Variants in MPHOSPH8 observed in about 807,000 individuals in gnomAD.
MPHOSPH8 encodes M-phase phosphoprotein, mpp.
MPHOSPH8 carries 45 observed loss-of-function variants against 87.3 expected under a neutral mutation model. That is an observed-to-expected ratio of 0.52 (90% CI 0.41 to 0.66). MPHOSPH8 has a LOEUF of 0.66. Ranked by LOEUF, MPHOSPH8 falls within the 30% of genes least tolerant of loss-of-function variation. MPHOSPH8 has a pLI of 0.00. For missense variants in MPHOSPH8, 883 were observed against 1,020.2 expected (o/e 0.87, Z 1.83); for synonymous variants, 366 against 376.9 (o/e 0.97, Z 0.33).
chr13:19,668,498 T>G lies in MPHOSPH8; in HGVS notation c.2296T>G (p.Phe766Val). Residue 766 changes from phenylalanine (F) to valine (V), a missense_variant, in exon 11 of 14, where the codon TTC (phenylalanine) becomes GTC (valine). Coordinates refer to ENST00000361479, the MANE Select transcript of MPHOSPH8 (RefSeq NM_017520.4). ...TGAGGGTCCAGATTTTTCAACAGAT[T>G]TCAATTACAAACCCCCACAGAACAT... Reference protein sequence around the residue: ...LCEGPDFSTDFNYKPPQNIPE... With the variant: ...LCEGPDFSTDVNYKPPQNIPE... 1 of 1,614,148 alleles carries G rather than the reference T, an allele frequency of 6.2e-7. No homozygotes were observed. The highest frequency in any genetic ancestry group is 2.2e-5 in the East Asian group (1 of 44,884).
At chr13:19,668,799 A>T (rs1593492873) in intron 11 of MPHOSPH8, among the ~76,000 whole-genome samples, 1 of 121,868 alleles carries the variant, frequency 8.2e-6, no homozygotes. Context: ...TTCAGCGTCA[A>T]GATTCTAAGC....
At chr13:19,634,127 A>G (rs192088923) in intron 1 of MPHOSPH8, among the ~76,000 whole-genome samples, 166 bp downstream of exon 1, 1 of 152,228 alleles carries the variant, frequency 6.6e-6, no homozygotes, top group Non-Finnish European at 1.5e-5. Flanking sequence ...GACATTTCCA[A>G]CTGCACTCTT....
chr13:19,635,290 G>A (rs1056369060), intron 1 of MPHOSPH8, among the ~76,000 whole-genome samples: 2 of 152,192 alleles, frequency 1.3e-5, no homozygotes, highest in Admixed American at 1.3e-4. Context: ...GGAGGCCAAG[G>A]CGGACGGATC....
intron 1 of MPHOSPH8, among the ~76,000 whole-genome samples, chr13:19,636,939 G>C (rs1024473628): frequency 6.6e-6 from 1 of 152,052 alleles, no homozygotes; most frequent in Non-Finnish European, 1.5e-5. Flanking sequence ...ATAAATCCTA[G>C]GGCTATCATG....
chr13:19,659,685 A>G (rs758646841), intron 7 of MPHOSPH8: 1 of 429,806 alleles, frequency 2.3e-6, no homozygotes, highest in South Asian at 1.7e-5. Flanking sequence ...AAAATAATGC[A>G]CGTTCACTTT....
At chr13:19,657,850 T>TG (rs1405646876) in intron 5 of MPHOSPH8, among the ~76,000 whole-genome samples, 1 of 152,114 alleles carries the variant, frequency 6.6e-6, no homozygotes, top group Admixed American at 6.6e-5. Flanking sequence ...GCATAGCAGG[T>TG]GGGGGCTTCA....
At chr13:19,644,062 T>C (rs934423703) in intron 2 of MPHOSPH8, among the ~76,000 whole-genome samples, 2 of 152,240 alleles carry the variant, frequency 1.3e-5, no homozygotes, top group African/African-American at 2.4e-5. Flanking sequence ...TCATTTGTAG[T>C]TCTTTTTGTT....
At chr13:19,641,632 A>T (rs1874297949) in intron 1 of MPHOSPH8, among the ~76,000 whole-genome samples, 1 of 151,666 alleles carries the variant, frequency 6.6e-6, no homozygotes, top group Admixed American at 6.6e-5. Context: ...AGCTGGGATT[A>T]CAGGCGCCCA....
chr13:19,647,467 C>T (rs1251199061), intron 3 of MPHOSPH8, among the ~76,000 whole-genome samples, 176 bp downstream of exon 3: 1 of 152,176 alleles, frequency 6.6e-6, no homozygotes, highest in African/African-American at 2.4e-5. Flanking sequence ...GTTTGTTTCT[C>T]TTAGAATGAT....
At chr13:19,666,018 C>T (rs961633256) in intron 9 of MPHOSPH8, among the ~76,000 whole-genome samples, 1 of 152,162 alleles carries the variant, frequency 6.6e-6, no homozygotes, top group East Asian at 1.9e-4. Context: ...GCCAGGCTTA[C>T]GTATCTCTGC....
chr13:19,662,207 G>A (rs1875577827), intron 8 of MPHOSPH8, among the ~76,000 whole-genome samples: 1 of 152,124 alleles, frequency 6.6e-6, no homozygotes, highest in Non-Finnish European at 1.5e-5. Context: ...CCAAAGTGCT[G>A]GTATTACAGG....
At chr13:19,661,937 TCA>T (rs1875554310) in intron 8 of MPHOSPH8, 99 bp downstream of exon 8, 1 of 1,323,458 alleles carries the variant, frequency 7.6e-7, no homozygotes, top group Non-Finnish European at 1.0e-6. Context: ...AGTCACATGG[TCA>T]CATCGCTTTT....
chr13:19,647,345 ACAAG>A, intron 3 of MPHOSPH8, 54 bp downstream of exon 3: 1 of 1,441,086 alleles, frequency 6.9e-7, no homozygotes, highest in Admixed American at 2.4e-5. Flanking sequence ...AAGACATTTC[ACAAG>A]CAAGGAAAGG....
intron 1 of MPHOSPH8, among the ~76,000 whole-genome samples, chr13:19,640,930 T>C (rs149046809): frequency 0.01 from 1,560 of 152,342 alleles, 11 homozygotes; most frequent in Middle Eastern, 0.037. Context: ...TTAAAAATTA[T>C]AGTATTATCC....
intron 11 of MPHOSPH8, 117 bp from the exon 12 acceptor site, chr13:19,670,119 G>C (rs1042877947): frequency 1.7e-6 from 2 of 1,211,746 alleles, no homozygotes; most frequent in Non-Finnish European, 2.3e-6. Flanking sequence ...CAGGCAGAGT[G>C]GGTGATGCCT....
At chr13:19,638,026 G>C (rs1005994909) in intron 1 of MPHOSPH8, among the ~76,000 whole-genome samples, 5 of 151,376 alleles carry the variant, frequency 3.3e-5, no homozygotes, top group African/African-American at 1.2e-4. Flanking sequence ...GCATGAACCC[G>C]GGAGGTGGAG....
At chr13:19,661,984 G>A in intron 8 of MPHOSPH8, 146 bp downstream of exon 8, 1 of 1,089,214 alleles carries the variant, frequency 9.2e-7, no homozygotes, top group Non-Finnish European at 1.2e-6. Context: ...CTCTGTCGCC[G>A]AGGCTGGAGT....
chr13:19,658,779 T>C (rs921262302), intron 5 of MPHOSPH8, among the ~76,000 whole-genome samples: 1 of 152,246 alleles, frequency 6.6e-6, no homozygotes, highest in Non-Finnish European at 1.5e-5. Context: ...TTTATCTTTA[T>C]GCCTTCAGAG....
intron 5 of MPHOSPH8, among the ~76,000 whole-genome samples, chr13:19,652,219 A>C (rs1271754852): frequency 6.6e-6 from 1 of 152,170 alleles, no homozygotes; most frequent in Non-Finnish European, 1.5e-5. Flanking sequence ...TGCATTTCCA[A>C]CTGAGGTACC....
Sources: allele counts gnomAD v4.1 joint callset (sites outside exome capture counted in the v4.1 genomes callset), GRCh38; gene constraint gnomAD v4.1.1; transcripts MANE v1.5; gene names NCBI Gene and HGNC (gene_info 2026-07-23, HGNC 2026-07-21).